The following NTNG1 variants were observed in gnomAD, a reference collection of about 807,000 sequenced individuals.
NTNG1 encodes netrin-G1.
In NTNG1, 16 loss-of-function variants were observed where a neutral mutation model predicts 54.0. That is an observed-to-expected ratio of 0.30 (90% CI 0.20 to 0.45). The LOEUF is 0.45. NTNG1 is among the 20% of genes least tolerant of loss of function. The probability of loss-of-function intolerance (pLI) is 1.00; values close to 1 mark genes in which losing one functional copy is unlikely to be tolerated. For synonymous variants in NTNG1, 255 were observed against 263.1 expected (o/e 0.97, Z 0.30); for missense variants, 530 against 678.7 (o/e 0.78, Z 2.43).
At chr1:107,200,543 C>T (rs1480163218) in intron 2 of NTNG1, among the ~76,000 whole-genome samples, 1 of 151,668 alleles carries the variant, frequency 6.6e-6, no homozygotes, top group Non-Finnish European at 1.5e-5. Flanking sequence ...AAATCATTCT[C>T]CCTTCTTGGC....
At chr1:107,349,338 T>A (rs895468597) in intron 3 of NTNG1, among the ~76,000 whole-genome samples, 2 of 152,186 alleles carry the variant, frequency 1.3e-5, no homozygotes, top group African/African-American at 4.8e-5. Context: ...TATTTTTTAA[T>A]TTATTTTAAA....
At chr1:107,431,548 G>A (rs1675266743) in intron 6 of NTNG1, among the ~76,000 whole-genome samples, 1 of 152,032 alleles carries the variant, frequency 6.6e-6, no homozygotes, top group Non-Finnish European at 1.5e-5. Context: ...CTGGAAAACT[G>A]CGTCCACAGA....
At chr1:107,457,822 A>G (rs924413920) in intron 7 of NTNG1, among the ~76,000 whole-genome samples, 1 of 152,136 alleles carries the variant, frequency 6.6e-6, no homozygotes, top group African/African-American at 2.4e-5. Context: ...CTTTGCCGTA[A>G]CATCTAAGAA....
chr1:107,178,374 A>G (rs772151497), intron 2 of NTNG1, among the ~76,000 whole-genome samples: 9 of 151,912 alleles, frequency 5.9e-5, no homozygotes, highest in Non-Finnish European at 1.0e-4. Context: ...GTGAGTTTTC[A>G]TTTGCCCCGT....
At chr1:107,376,179 G>A (rs1046061923) in intron 3 of NTNG1, among the ~76,000 whole-genome samples, 28 of 152,132 alleles carry the variant, frequency 1.8e-4, no homozygotes, top group Admixed American at 7.2e-4. Context: ...CCAGCACTTT[G>A]GGAGGCAGAG....
At chr1:107,297,424 A>G (rs922394729) in intron 2 of NTNG1, among the ~76,000 whole-genome samples, 1 of 151,824 alleles carries the variant, frequency 6.6e-6, no homozygotes, top group African/African-American at 2.4e-5. Context: ...TCATAGGTGC[A>G]TAGTAATTCA....
At chr1:107,191,255 C>A (rs1237571858) in intron 2 of NTNG1, among the ~76,000 whole-genome samples, 3 of 149,904 alleles carry the variant, frequency 2.0e-5, no homozygotes, top group African/African-American at 7.4e-5. Flanking sequence ...ATATCCTTTG[C>A]CCACTTTTTG....
chr1:107,386,286 C>T (rs1230466785), intron 3 of NTNG1, among the ~76,000 whole-genome samples: 2 of 151,724 alleles, frequency 1.3e-5, no homozygotes, highest in East Asian at 1.9e-4. Flanking sequence ...TCTTCTGTCT[C>T]AGCCCTCTGA....
intron 2 of NTNG1, among the ~76,000 whole-genome samples, chr1:107,201,068 A>G (rs1658718001): frequency 1.3e-5 from 2 of 151,852 alleles, no homozygotes; most frequent in Non-Finnish European, 2.9e-5. Context: ...ACTGAAGGAA[A>G]TAATTCAAAT....
chr1:107,365,853 C>A (rs1670566424), intron 3 of NTNG1, among the ~76,000 whole-genome samples: 1 of 152,172 alleles, frequency 6.6e-6, no homozygotes, highest in South Asian at 2.1e-4. Flanking sequence ...ATTTTATGTT[C>A]ATTCAAAGCT....
chr1:107,332,886 T>C (rs1426723926), intron 3 of NTNG1, among the ~76,000 whole-genome samples: 2 of 151,970 alleles, frequency 1.3e-5, no homozygotes, highest in African/African-American at 4.8e-5. Flanking sequence ...CTTTTATAGG[T>C]AGGAAAACTA....
chr1:107,298,812 T>C (rs560893351), intron 2 of NTNG1, among the ~76,000 whole-genome samples: 1 of 152,132 alleles, frequency 6.6e-6, no homozygotes, highest in African/African-American at 2.4e-5. Flanking sequence ...CATTTCAGCA[T>C]GATTGGAGAA....
intron 3 of NTNG1, among the ~76,000 whole-genome samples, chr1:107,361,132 CTTATA>C (rs916109157): frequency 2.4e-4 from 34 of 141,642 alleles, no homozygotes; most frequent in South Asian, 4.3e-4. Context: ...TTATATATTT[CTTATA>C]TTATATATTA....
At chr1:107,271,335 C>A (rs1664132267) in intron 2 of NTNG1, among the ~76,000 whole-genome samples, 1 of 152,154 alleles carries the variant, frequency 6.6e-6, no homozygotes, top group Non-Finnish European at 1.5e-5. Flanking sequence ...GAATTATAAT[C>A]ACACAAACCA....
intron 7 of NTNG1, among the ~76,000 whole-genome samples, chr1:107,446,026 G>A (rs1002896252): frequency 6.6e-6 from 1 of 152,096 alleles, no homozygotes; most frequent in Non-Finnish European, 1.5e-5. Context: ...AACTCAAACA[G>A]CAATTCAAGA....
chr1:107,189,366 A>AAAAAGAT (rs1657719461), intron 2 of NTNG1, among the ~76,000 whole-genome samples: 1 of 149,304 alleles, frequency 6.7e-6, no homozygotes, highest in African/African-American at 2.5e-5. Flanking sequence ...AAAAAAAAAA[A>AAAAAGAT]GTTTGGGTGA....
intron 7 of NTNG1, among the ~76,000 whole-genome samples, chr1:107,442,451 A>C (rs986631477): frequency 6.6e-6 from 1 of 152,134 alleles, no homozygotes; most frequent in Non-Finnish European, 1.5e-5. Flanking sequence ...CAACTTGACT[A>C]TCAAACGCTC....
intron 2 of NTNG1, among the ~76,000 whole-genome samples, chr1:107,301,436 TCTC>T (rs1454240180): frequency 6.6e-6 from 1 of 152,132 alleles, no homozygotes; most frequent in Non-Finnish European, 1.5e-5. Flanking sequence ...TAAAACATGA[TCTC>T]CTCCTCCTCC....
intron 2 of NTNG1, among the ~76,000 whole-genome samples, chr1:107,259,570 T>C (rs1310526779): frequency 6.6e-6 from 1 of 152,240 alleles, no homozygotes; most frequent in Non-Finnish European, 1.5e-5. Flanking sequence ...ACTCATTTTT[T>C]AGGTTGTTTC....
Sources: allele counts gnomAD v4.1 joint callset (sites outside exome capture counted in the v4.1 genomes callset), GRCh38; gene constraint gnomAD v4.1.1; transcripts MANE v1.5; gene names NCBI Gene and HGNC (gene_info 2026-07-23, HGNC 2026-07-21).